APLP1: variants seen among roughly 807,000 people sequenced by gnomAD.
APLP1 encodes amyloid beta precursor like protein 1.
In APLP1, 46 loss-of-function variants were observed where a neutral mutation model predicts 84.5. The ratio of observed to expected loss-of-function variants is 0.54; its 90% confidence interval spans 0.43 to 0.70. The LOEUF (loss-of-function observed/expected upper bound fraction) is 0.70. Among genes scored for constraint, APLP1 ranks in the 30% least tolerant of loss-of-function variants. The pLI, the probability that APLP1 is intolerant of heterozygous loss-of-function variation, is 0.00. For synonymous variants in APLP1, 376 were observed against 364.0 expected (o/e 1.03, Z -0.38); for missense variants, 826 against 900.2 (o/e 0.92, Z 1.05).
intron 12 of APLP1, 80 bp from the exon 13 acceptor site, chr19:35,878,002 G>C: frequency 6.7e-7 from 1 of 1,486,486 alleles, no homozygotes; most frequent in Non-Finnish European, 9.3e-7. Context: ...CTTAGTCCCT[G>C]GAAGGATGTT....
intron 10 of APLP1, 49 bp from the exon 11 acceptor site, chr19:35,876,468 T>A: frequency 1.3e-6 from 2 of 1,512,916 alleles, no homozygotes; most frequent in Non-Finnish European, 9.2e-7. Context: ...AGTTTCCTCA[T>A]CTCCAGCCTG....
Position 35,871,221 on chromosome 19 carries a change from T to TG in APLP1, c.425-16_425-15insG. The TG allele has an allele frequency of 6.2e-7, 1 of 1,609,584 alleles. No homozygotes were observed. Among genetic ancestry groups the TG allele is most frequent in the Non-Finnish European group, 8.5e-7 (1 of 1,177,316 alleles). Reference sequence around the variant, plus strand: ...GCTATAGGAGGATCTCACCCTGGTGTCCCGTGCTTCCCCAGCTGGTGAATT... The same window carrying TG: ...GCTATAGGAGGATCTCACCCTGGTGTGCCCGTGCTTCCCCAGCTGGTGAATT... On this transcript the variant is annotated splice_polypyrimidine_tract_variant and intron_variant, in intron 3 of 16. Transcript: ENST00000221891.
Position 35,874,539 on chromosome 19 carries a change from G to C in APLP1, c.1092G>C (p.Gln364His). 1 of 1,614,252 alleles carries C rather than the reference G, an allele frequency of 6.2e-7. No individual in the cohort carries two copies. The highest frequency in any genetic ancestry group is 1.6e-4 in the Middle Eastern group (1 of 6,062). The change falls in exon 9 of 17, where the codon CAG (glutamine) becomes CAC (histidine). Residue 364 changes from glutamine (Q) to histidine (H), a missense_variant. Around this residue, in one of 3 missense-constraint regions of APLP1, gnomAD observed 433 missense variants for 496.5 expected, o/e 0.87. Coordinates refer to ENST00000221891, the MANE Select transcript of APLP1 (RefSeq NM_001024807.3). The surrounding 1 kb of genome is among the most constrained non-coding windows in gnomAD (Gnocchi z 6.4). ...CCATTCTGCAGACTCTGGAGGAGCAGGTGTCTGGTGAGCGACAGCGCCTGG... is the reference window on the plus strand; with the variant it reads ...CCATTCTGCAGACTCTGGAGGAGCACGTGTCTGGTGAGCGACAGCGCCTGG... ...FQSILQTLEE[Q>H]VSGERQRLVE...
intron 11 of APLP1, among the ~76,000 whole-genome samples, 178 bp from the exon 12 acceptor site, chr19:35,877,540 C>T (rs1297067036): frequency 4.6e-5 from 7 of 151,978 alleles, no homozygotes; most frequent in Non-Finnish European, 1.0e-4. Context: ...AGCCTCCATC[C>T]TTCCTGCCAG....
intron 8 of APLP1, 74 bp downstream of exon 8, chr19:35,873,787 C>T (rs1376982044): frequency 2.8e-6 from 4 of 1,413,980 alleles, no homozygotes; most frequent in African/African-American, 1.4e-5. Context: ...CTGGCTCTGG[C>T]TGTGCCCTGC....
In APLP1 at chr19:35,879,137, G is replaced by A. The variant is rs1296100771; in HGVS notation, c.1777G>A (p.Gly593Arg). The A allele has an allele frequency of 5.6e-6, 9 of 1,612,422 alleles. No individual in the cohort carries two copies. The highest frequency in any genetic ancestry group is 6.8e-6 in the Non-Finnish European group (8 of 1,179,984). Residue 593 changes from glycine (G) to arginine (R), a missense_variant, in exon 16 of 17, where the codon GGA (glycine) becomes AGA (arginine). By Grantham distance (125) the Gly-to-Arg change is moderately radical. Transcript: ENST00000221891. ...GGGTCTGCTGATCATGGGAGCGGGC[G>A]GAGGCTCCCTCATCGTCCTCTCCAT... ...VSGLLIMGAG[G>R]GSLIVLSMLL...
At chr19:35,878,481 G>A in intron 13 of APLP1, 103 bp from the exon 14 acceptor site, 1 of 1,198,310 alleles carries the variant, frequency 8.3e-7, no homozygotes, top group South Asian at 1.3e-5. Context: ...AGGAAGTTGA[G>A]GCTGCAGTGA....
intron 2 of APLP1, chr19:35,870,061 G>A (rs1186633481): frequency 3.6e-5 from 20 of 548,698 alleles, no homozygotes; most frequent in Non-Finnish European, 5.4e-5. Flanking sequence ...GAGGTGTAGG[G>A]GGGAGTGGCG....
rs1243920712 is a variant in APLP1, at chr19:35,874,721, A to C, written c.1216-20A>C. 6.2e-7 allele frequency: 1 copy of C among 1,612,254 alleles called. No individual in the cohort carries two copies. The highest frequency in any genetic ancestry group is 1.7e-5 in the Admixed American group (1 of 59,978). ...GAGAAGGGTCAGGGCGGGCTTGGGC[A>C]TCCTGTGTCCCTTCCACAGGCGGAG... On this transcript the variant is annotated intron_variant, in intron 9 of 16. Transcript: ENST00000221891. The surrounding 1 kb of genome is among the most constrained non-coding windows in gnomAD (Gnocchi z 6.4).
chr19:35,872,708 C>A, intron 7 of APLP1, 95 bp downstream of exon 7: 1 of 1,405,698 alleles, frequency 7.1e-7, no homozygotes, highest in East Asian at 2.4e-5. Context: ...CCTCCAAAGG[C>A]TCCCTAAGCC....
At position 35,877,725 on chromosome 19, in the gene APLP1, C is replaced by A. The variant is rs762296852; in HGVS notation, c.1452C>A (p.Leu484=). The part of the protein sequence containing the change: ...AQELRPQIQE[L]LHSEHLGPSE... ...TCTGCATGTCCCCCTCAGAGGAACT[C>A]CTCCACTCTGAACACCTGGGTCCCA... The change falls in exon 12 of 17, where the codon CTC becomes CTA. Residue 484 remains leucine, a synonymous_variant. Transcript: ENST00000221891. The A allele has an allele frequency of 3.1e-6, 5 of 1,612,332 alleles. No homozygotes were observed. In the African/African-American group the frequency reaches 6.7e-5, roughly 22 times the overall value.
In APLP1 at chr19:35,870,990, C is replaced by T. The variant is rs777261247; in HGVS notation, c.386C>T (p.Ala129Val). 5.1e-6 allele frequency: 8 copies of T among 1,555,280 alleles called. No homozygotes were observed. In the East Asian group the frequency reaches 1.6e-4, roughly 32 times the overall value. The change falls in exon 3 of 17, where the codon GCC (alanine) becomes GTC (valine). Residue 129 changes from alanine to valine, a missense_variant. Coordinates refer to ENST00000221891, the MANE Select transcript of APLP1 (RefSeq NM_001024807.3). ...GGGGGTTCCCGGAGCGGCAGCTGCG[C>T]CCACCCCCACCACCAGGTTGTGCCC... ...WCGGSRSGSCAHPHHQVVPFR... is the reference protein window; with the variant it reads ...WCGGSRSGSCVHPHHQVVPFR...
rs774946970 is a variant in APLP1 at position 35,878,109 on chromosome 19, G to T, written c.1579+1G>T. 1.2e-5 allele frequency: 19 copies of T among 1,612,524 alleles called. No homozygotes were observed. Among genetic ancestry groups the T allele is most frequent in the Non-Finnish European group, 1.6e-5 (19 of 1,179,432 alleles). The stretch of plus-strand genomic sequence containing the variant: ...GACACCCCCATGACCCTTCCAAAAG[G>T]TGAGTGTCTCACAGTTAACCCCAGC... On this transcript the variant is annotated splice_donor_variant, in intron 13 of 16. Transcript: ENST00000221891. LOFTEE classifies it high-confidence loss of function.
rs374653002 is a variant in APLP1, at chr19:35,879,326, T to C, written c.1858-17T>C. ...CCCCCGCACCACACTGTCCTTTCCC[T>C]CCCCTGCTCGTTGCAGGTGGACCCC... is the stretch of plus-strand genomic sequence containing the variant. On this transcript the variant is annotated splice_polypyrimidine_tract_variant and intron_variant, in intron 16 of 16. Transcript: ENST00000221891. The C allele has an allele frequency of 2.5e-6, 4 of 1,613,432 alleles. No homozygotes were observed. The highest frequency in any genetic ancestry group is 3.4e-6 in the Non-Finnish European group (4 of 1,179,754).
intron 10 of APLP1, among the ~76,000 whole-genome samples, chr19:35,875,554 C>G (rs1054804529): frequency 2.0e-5 from 3 of 152,086 alleles, no homozygotes; most frequent in Non-Finnish European, 4.4e-5. Flanking sequence ...TTGAACTCGA[C>G]CTCAGGTGAT....
chr19:35,872,520 T>G lies in APLP1; in HGVS notation c.888T>G (p.Ile296Met). The G allele has an allele frequency of 6.2e-7, 1 of 1,613,760 alleles. No individual in the cohort carries two copies. Reference protein sequence around the residue: ...PTPRPTDGVDIYFGMPGEISE... With the variant: ...PTPRPTDGVDMYFGMPGEISE... ...CGAGGCCCACAGACGGTGTGGATAT[T>G]TACTTTGGCATGCCTGGGGAAATCA... Residue 296 changes from isoleucine (I) to methionine (M), a missense_variant, in exon 7 of 17, where the codon ATT becomes ATG. Physicochemically the swap from Ile to Met is conservative, Grantham distance 10. Transcript: ENST00000221891.
chr19:35,874,656 G>A lies in APLP1; in HGVS notation c.1209G>A (p.Pro403=), dbSNP rs748105339. 78 of 1,613,376 alleles carry A rather than the reference G, an allele frequency of 4.8e-5. No individual in the cohort carries two copies. The highest frequency in any genetic ancestry group is 6.0e-5 in the Non-Finnish European group (71 of 1,179,930). The change falls in exon 9 of 17, where the codon CCG becomes CCA. Residue 403 remains proline, a synonymous_variant. Transcript: ENST00000221891. The surrounding 1 kb of genome is among the most constrained non-coding windows in gnomAD (Gnocchi z 6.4). ...EGFLAALQAD[P]PQAERVLLAL... Reference sequence around the variant, plus strand: ...TCCTGGCAGCCCTGCAGGCAGATCCGCCTCAGGTGCGGGGACCGTGGGGGC... The same window carrying A: ...TCCTGGCAGCCCTGCAGGCAGATCCACCTCAGGTGCGGGGACCGTGGGGGC...
intron 2 of APLP1, chr19:35,870,095 G>A: frequency 2.1e-6 from 1 of 466,270 alleles, no homozygotes; most frequent in South Asian, 3.1e-5. Context: ...GGCTAAGACA[G>A]AAAGAGACCT....
chr19:35,871,326 C>T lies in APLP1; in HGVS notation c.514C>T (p.Arg172Trp), dbSNP rs374105478. Residue 172 changes from arginine to tryptophan, a missense_variant, in exon 4 of 17, where the codon CGG becomes TGG. Arg to Trp is a moderately radical substitution (Grantham distance 101). Around this residue, in one of 3 missense-constraint regions of APLP1, gnomAD observed 383 missense variants for 378.3 expected, o/e 1.01. Coordinates refer to ENST00000221891, the MANE Select transcript of APLP1 (RefSeq NM_001024807.3). ...CATGGACCAATGTGAGAGTTCAACCCGGAGGCATCAGGAGGCACAGGAGGT... is the reference window on the plus strand; with the variant it reads ...CATGGACCAATGTGAGAGTTCAACCTGGAGGCATCAGGAGGCACAGGAGGT... ...ERMDQCESST[R>W]RHQEAQEACS... 5.0e-6 allele frequency: 8 copies of T among 1,612,058 alleles called. No homozygotes were observed. Among genetic ancestry groups the T allele is most frequent in the Admixed American group, 3.3e-5 (2 of 59,748 alleles).
Sources: allele counts gnomAD v4.1 joint callset (sites outside exome capture counted in the v4.1 genomes callset), GRCh38; gene constraint gnomAD v4.1.1; regional missense constraint gnomAD v4.1.1; non-coding constraint Gnocchi (gnomAD v3.1); transcripts MANE v1.5; gene names NCBI Gene and HGNC (gene_info 2026-07-23, HGNC 2026-07-21).